AGTPBP1: variants seen among roughly 807,000 people sequenced by gnomAD.
AGTPBP1 encodes cytosolic carboxypeptidase 1.
Under a neutral mutation model 143.9 loss-of-function variants are expected in AGTPBP1, and 70 were observed. The ratio of observed to expected loss-of-function variants is 0.49; its 90% CI spans 0.40 to 0.59. The LOEUF (loss-of-function observed/expected upper bound fraction) is 0.59. Among genes scored for constraint, AGTPBP1 ranks in the 20% least tolerant of loss-of-function variants. The pLI is 0.00. For missense variants in AGTPBP1, 1,229 were observed against 1,464.5 expected (o/e 0.84, Z 2.62); for synonymous variants, 463 against 500.2 (o/e 0.93, Z 0.99).
At position 85,741,915 on chromosome 9, in the gene AGTPBP1, G is replaced by C. The variant is rs1824335039; in HGVS notation, c.-174C>G. On this transcript the variant is annotated 5_prime_UTR_variant, in exon 1 of 26. Coordinates refer to ENST00000357081, the MANE Select transcript of AGTPBP1 (RefSeq NM_001330701.2). ...TGGCAGGCGAGGCGGAGGCGGCGGC[G>C]GCGGCAGCTGCGGCGGCGGCGCTGG... The C allele has an allele frequency of 7.5e-7, 1 of 1,326,342 alleles. No individual in the cohort carries two copies. The highest frequency in any genetic ancestry group is 9.6e-7 in the Non-Finnish European group (1 of 1,042,570). The allele number at this position is 1,326,342 out of a possible 1,614,324, so 82.2% of individuals were successfully genotyped here.
intron 1 of AGTPBP1, among the ~76,000 whole-genome samples, chr9:85,737,538 A>G (rs1411804570): frequency 6.6e-6 from 1 of 152,246 alleles, no homozygotes; most frequent in Non-Finnish European, 1.5e-5. Flanking sequence ...CAGCTTCCCA[A>G]TAATTTGTCT....
At chr9:85,788,035 G>C in the AGTPBP1 span, 14 of 151,974 alleles carry the variant, frequency 9.2e-5, no homozygotes, top group Non-Finnish European at 1.6e-4. Flanking sequence ...CTAAAAACCA[G>C]TTCCTTTAAG....
intron 1 of AGTPBP1, among the ~76,000 whole-genome samples, chr9:85,735,468 G>A (rs1374747291): frequency 1.3e-5 from 2 of 152,116 alleles, no homozygotes; most frequent in Admixed American, 1.3e-4. Context: ...GGTGGCTGCC[G>A]CACAACAATG....
intron 4 of AGTPBP1, 64 bp from the exon 5 acceptor site, chr9:85,678,462 A>G (rs1834970994): frequency 9.8e-7 from 1 of 1,020,338 alleles, no homozygotes; most frequent in Non-Finnish European, 1.5e-6. Context: ...TTTTGAATCC[A>G]CTGGGAACTA....
At chr9:85,765,216 G>A in the AGTPBP1 span, 57 of 249,392 alleles carry the variant, frequency 2.3e-4, no homozygotes, top group Middle Eastern at 1.5e-3. Context: ...GGGGTTTCTC[G>A]TCTGAAATCA....
Position 85,697,366 on chromosome 9 carries a change from T to G in AGTPBP1, c.33-4553A>C, listed in dbSNP as rs12351015. The stretch of plus-strand genomic sequence containing the variant: ...TTATTTTTAATGCAAAAACATTATA[T>G]GTTATGCAGTGGGTTTATTATTTTT... On this transcript the variant is annotated intron_variant, in intron 2 of 25. Coordinates refer to ENST00000357081, the MANE Select transcript of AGTPBP1 (RefSeq NM_001330701.2). 3.6e-4 allele frequency among the ~76,000 whole-genome samples: 53 copies of G among 147,216 alleles called. 1 individual carries two copies. Among genetic ancestry groups the G allele is most frequent in the African/African-American group, 9.8e-4 (38 of 38,596 alleles).
At chr9:85,560,000 G>A (rs1355568092) in intron 25 of AGTPBP1, among the ~76,000 whole-genome samples, 1 of 152,068 alleles carries the variant, frequency 6.6e-6, no homozygotes, top group South Asian at 2.1e-4. Flanking sequence ...ATTCCTTGGC[G>A]TGATAGTGTC....
At chr9:85,787,904 T>C in the AGTPBP1 span, 2 of 152,156 alleles carry the variant, frequency 1.3e-5, no homozygotes, top group Non-Finnish European at 2.9e-5. Flanking sequence ...TGTCCTTTCC[T>C]CTGTTGCTGT....
At chr9:85,799,076 G>A in the AGTPBP1 span, among the ~76,000 whole-genome samples, 21 of 152,190 alleles carry the variant, frequency 1.4e-4, no homozygotes, top group African/African-American at 4.6e-4. Context: ...GTGAGAACGT[G>A]CGGTGTTTGG....
At chr9:85,754,591 A>G in the AGTPBP1 span, among the ~76,000 whole-genome samples, 4 of 152,310 alleles carry the variant, frequency 2.6e-5, no homozygotes, top group African/African-American at 9.6e-5. Flanking sequence ...TTTTAAAAAG[A>G]AAGTCATAAT....
intron 14 of AGTPBP1, among the ~76,000 whole-genome samples, chr9:85,630,526 C>A (rs1831606229): frequency 6.6e-6 from 1 of 152,004 alleles, no homozygotes; most frequent in Non-Finnish European, 1.5e-5. Context: ...GTCACCCAGG[C>A]TGGAGTGCAG....
rs1828645685 is a variant in AGTPBP1, at chr9:85,586,879, A to G, written c.2985T>C (p.His995=). The part of the protein sequence containing the change: ...PSPDLHPTIY[H]AKGLLQYLAA... ...CCAAGTATTGCAACAGCCCCTTAGC[A>G]TGGTAAATTGTAGGATGTAAATCCG... The change falls in exon 22 of 26, where the codon CAT becomes CAC. Residue 995 remains histidine, a synonymous_variant. Transcript: ENST00000357081. 4 of 1,613,932 alleles carry G rather than the reference A, an allele frequency of 2.5e-6. No homozygotes were observed. Among genetic ancestry groups the G allele is most frequent in the Admixed American group, 1.7e-5 (1 of 60,000 alleles).
intron 4 of AGTPBP1, among the ~76,000 whole-genome samples, chr9:85,680,446 T>C (rs1328793707): frequency 2.0e-5 from 3 of 152,040 alleles, no homozygotes; most frequent in Admixed American, 2.0e-4. Context: ...TAGCCAGGCA[T>C]GGTGGTGTGC....
chr9:85,594,955 C>A lies in AGTPBP1; in HGVS notation c.2423+1407G>T, dbSNP rs79575997. 7.2e-5 allele frequency among the ~76,000 whole-genome samples: 11 copies of A among 152,290 alleles called. No individual in the cohort carries two copies. The East Asian group carries it at 2.1e-3, about 29-fold the overall frequency. Reference sequence around the variant, plus strand: ...TAAATAATTCTAAAATCTAGCCAAGCACTGCTCAGATAGTTTCACCCAACT... The same window carrying A: ...TAAATAATTCTAAAATCTAGCCAAGAACTGCTCAGATAGTTTCACCCAACT... On this transcript the variant is annotated intron_variant, in intron 18 of 25. Coordinates refer to ENST00000357081, the MANE Select transcript of AGTPBP1 (RefSeq NM_001330701.2).
intron 11 of AGTPBP1, among the ~76,000 whole-genome samples, chr9:85,654,591 C>T (rs921663513): frequency 3.9e-5 from 6 of 151,988 alleles, no homozygotes; most frequent in African/African-American, 9.7e-5. Flanking sequence ...ACCTGTAATC[C>T]CAGCACTTTG....
intron 2 of AGTPBP1, among the ~76,000 whole-genome samples, chr9:85,705,816 G>A (rs1457252646): frequency 2.0e-5 from 3 of 151,940 alleles, no homozygotes; most frequent in South Asian, 4.2e-4. Context: ...TCAGCCTCCC[G>A]AGTAGCTGGG....
intron 1 of AGTPBP1, among the ~76,000 whole-genome samples, chr9:85,722,409 TTTCA>T (rs1313203692): frequency 6.6e-6 from 1 of 152,240 alleles, no homozygotes; most frequent in Non-Finnish European, 1.5e-5. Context: ...TCTTGCTTTA[TTTCA>T]TTAATTTGAT....
At chr9:85,663,767 C>G (rs1406867960) in intron 8 of AGTPBP1, among the ~76,000 whole-genome samples, 2 of 151,954 alleles carry the variant, frequency 1.3e-5, no homozygotes, top group East Asian at 3.9e-4. Context: ...ACCAATTGAT[C>G]CAGCCATTCT....
intron 1 of AGTPBP1, 34 bp from the exon 2 acceptor site, chr9:85,712,600 A>G (rs1564172857): frequency 7.8e-6 from 9 of 1,155,158 alleles, no homozygotes; most frequent in South Asian, 4.9e-5. Context: ...TTAAAAACTT[A>G]TAACTCTTTT....
Sources: gnomAD v4.1 joint callset for allele counts (sites outside exome capture counted in the v4.1 genomes callset) on GRCh38, gnomAD v4.1.1 for gene constraint, MANE v1.5 for transcripts, NCBI Gene and HGNC (gene_info 2026-07-23, HGNC 2026-07-21) for gene names.